Variants in PLCZ1 observed in about 807,000 individuals in gnomAD.
The protein encoded by PLCZ1 is 1-phosphatidylinositol 4,5-bisphosphate phosphodiesterase zeta-1.
Under a neutral mutation model 76.8 loss-of-function variants are expected in PLCZ1, and 64 were observed. The ratio of observed to expected loss-of-function variants is 0.83; its 90% CI spans 0.68 to 1.03. The LOEUF (loss-of-function observed/expected upper bound fraction) is 1.03, where lower values mean the gene tolerates loss of function less well. Ranked by LOEUF, PLCZ1 falls within the 50% of genes least tolerant of loss-of-function variation. PLCZ1 has a pLI of 0.00. For missense variants in PLCZ1, 751 were observed against 713.7 expected, an observed-to-expected ratio of 1.05 and a Z score of -0.60; for synonymous variants, 248 against 230.8, an observed-to-expected ratio of 1.07 and a Z score of -0.68.
At chr12:18,650,704 GTATATATCTATATA>G in the PLCZ1 span, among the ~76,000 whole-genome samples, 103 of 57,766 alleles carry the variant, frequency 1.8e-3, 5 homozygotes, top group African/African-American at 5.1e-3. Flanking sequence ...GTGTGTGTGT[GTATATATCTATATA>G]TATATATATA....
At chr12:18,717,687 A>G (rs1958143046) in intron 5 of PLCZ1, among the ~76,000 whole-genome samples, 1 of 152,154 alleles carries the variant, frequency 6.6e-6, no homozygotes, top group African/African-American at 2.4e-5. Context: ...CATCTCAGCC[A>G]ACAGTATTAC....
chr12:18,684,109 TCTAA>T lies in PLCZ1; in HGVS notation c.1741+17_1741+20del. 1 of 1,609,710 alleles carries T rather than the reference TCTAA, an allele frequency of 6.2e-7. No individual in the cohort carries two copies. Among genetic ancestry groups the T allele is most frequent in the Non-Finnish European group, 8.5e-7 (1 of 1,177,506 alleles). On this transcript the variant is annotated intron_variant, in intron 14 of 14. Transcript: ENST00000266505. ...TTATATTTAAATGCTGGTACAATCA[TCTAA>T]CTTTTAGGGACATTACCTTTGTTCA...
rs750648027 is a variant in PLCZ1, at chr12:18,723,525, T to C, written c.153A>G (p.Lys51=). The change falls in exon 4 of 15, where the codon AAA becomes AAG. Residue 51 remains lysine (K), a synonymous_variant. Coordinates refer to ENST00000266505, the MANE Select transcript of PLCZ1 (RefSeq NM_033123.4). Reference sequence around the variant, plus strand: ...ATTCTTCTATGGTGATTCTTCCTTGTTTCAGCCTGTCATTGTCCTACTAAA... The same window carrying C: ...ATTCTTCTATGGTGATTCTTCCTTGCTTCAGCCTGTCATTGTCCTACTAAA... ...KQIFKDNDRL[K]QGRITIEEFR... is the part of the protein sequence containing the mutation. 5 of 1,612,112 alleles carry C rather than the reference T, an allele frequency of 3.1e-6. No homozygotes were observed. The Admixed American group carries it at 8.4e-5, about 27-fold the overall frequency.
At chr12:18,669,605 T>C in the PLCZ1 span, among the ~76,000 whole-genome samples, 1 of 152,106 alleles carries the variant, frequency 6.6e-6, no homozygotes, top group African/African-American at 2.4e-5. Context: ...TTCCAGACAG[T>C]TGCCTTTGCA....
chr12:18,683,434 G>T, intron 14 of PLCZ1, 110 bp from the exon 15 acceptor site: 2 of 1,444,994 alleles, frequency 1.4e-6, no homozygotes, highest in Non-Finnish European at 1.9e-6. Context: ...TAAAAACCAT[G>T]ACTATAGAGT....
chr12:18,668,122 A>G, the PLCZ1 span, among the ~76,000 whole-genome samples: 2 of 152,176 alleles, frequency 1.3e-5, no homozygotes, highest in East Asian at 3.9e-4. Flanking sequence ...CCCAACTTGT[A>G]TTATCTTAAT....
chr12:18,656,983 T>C, the PLCZ1 span, among the ~76,000 whole-genome samples: 1 of 152,158 alleles, frequency 6.6e-6, no homozygotes, highest in African/African-American at 2.4e-5. Flanking sequence ...ATTTTTTGTA[T>C]AGGGTCCTAA....
rs1958575101 is a variant in PLCZ1, at chr12:18,723,495, T to C, written c.183A>G (p.Arg61=). 3.7e-6 allele frequency: 6 copies of C among 1,612,874 alleles called. No homozygotes were observed. Among genetic ancestry groups the C allele is most frequent in the African/African-American group, 1.3e-5 (1 of 75,012 alleles). Reference sequence around the variant, plus strand: ...TGTGCGTGATAATTCGATAAATTGCTCTAAATTCTTCTATGGTGATTCTTC... The same window carrying C: ...TGTGCGTGATAATTCGATAAATTGCCCTAAATTCTTCTATGGTGATTCTTC... The part of the protein sequence containing the change: ...KQGRITIEEF[R]AIYRIITHRE... The change falls in exon 4 of 15, where the codon AGA becomes AGG. Residue 61 remains arginine (R), a synonymous_variant. Transcript: ENST00000266505.
intron 3 of PLCZ1, among the ~76,000 whole-genome samples, chr12:18,729,739 G>T (rs1032310583): frequency 3.3e-5 from 5 of 151,662 alleles, no homozygotes; most frequent in Non-Finnish European, 1.5e-5. Context: ...TTTAGTAAAG[G>T]GATTTAAAAA....
chr12:18,673,930 G>A, the PLCZ1 span, among the ~76,000 whole-genome samples: 10 of 152,244 alleles, frequency 6.6e-5, no homozygotes, highest in Non-Finnish European at 1.3e-4. Context: ...GAAAACAATT[G>A]TCTACTAGCA....
intron 3 of PLCZ1, among the ~76,000 whole-genome samples, chr12:18,727,771 T>C (rs1210894057): frequency 1.3e-5 from 2 of 152,160 alleles, no homozygotes; most frequent in African/African-American, 2.4e-5. Flanking sequence ...GGCAGCAGTG[T>C]AGAAGGTAGA....
In PLCZ1 at chr12:18,684,011, T is replaced by C. The variant is rs185069716; in HGVS notation, c.1741+119A>G. The C allele has an allele frequency of 1.1e-4, 134 of 1,221,350 alleles. No individual in the cohort carries two copies. In the African/African-American group the frequency reaches 2.0e-3, roughly 18 times the overall value. 75.7% of individuals were successfully genotyped at this position (1,221,350 alleles called of 1,614,324 possible). ...CAGAGAAAAAATATGTGTCAATACA[T>C]AAAATTTCCTTTACATCCTACTTTA... On this transcript the variant is annotated intron_variant, in intron 14 of 14. Coordinates refer to ENST00000266505, the MANE Select transcript of PLCZ1 (RefSeq NM_033123.4).
At chr12:18,698,631 T>G (rs1158576144) in intron 10 of PLCZ1, among the ~76,000 whole-genome samples, 1 of 152,206 alleles carries the variant, frequency 6.6e-6, no homozygotes, top group African/African-American at 2.4e-5. Context: ...GTAGATTGCA[T>G]TTTTTTAACT....
At chr12:18,700,623 C>T (rs1242293859) in intron 9 of PLCZ1, among the ~76,000 whole-genome samples, 1 of 150,952 alleles carries the variant, frequency 6.6e-6, no homozygotes, top group African/African-American at 2.4e-5. Flanking sequence ...CATGCACCAA[C>T]ACAGAGAAAG....
chr12:18,688,071 G>T lies in PLCZ1; in HGVS notation c.1591+18C>A. 1 of 1,608,940 alleles carries T rather than the reference G, an allele frequency of 6.2e-7. No individual in the cohort carries two copies. The highest frequency in any genetic ancestry group is 1.1e-5 in the South Asian group (1 of 90,976). ...AAGAAGTCTAATGGAAATTCAATAA[G>T]GTATATCAGGAGCTCACCATTTTTT... On this transcript the variant is annotated intron_variant, in intron 13 of 14. Coordinates refer to ENST00000266505, the MANE Select transcript of PLCZ1 (RefSeq NM_033123.4).
At chr12:18,684,475 C>A (rs1952795169) in intron 13 of PLCZ1, among the ~76,000 whole-genome samples, 196 bp from the exon 14 acceptor site, 1 of 151,896 alleles carries the variant, frequency 6.6e-6, no homozygotes, top group African/African-American at 2.4e-5. Context: ...TATTGCTGGG[C>A]AATGTTCTAA....
the PLCZ1 span, among the ~76,000 whole-genome samples, chr12:18,656,610 C>G: frequency 6.6e-6 from 1 of 151,966 alleles, no homozygotes; most frequent in African/African-American, 2.4e-5. Flanking sequence ...GTTACATGCA[C>G]CTGGTGTCCC....
At chr12:18,683,580 G>T (rs935007911) in intron 14 of PLCZ1, 40 of 1,463,084 alleles carry the variant, frequency 2.7e-5, no homozygotes, top group Non-Finnish European at 3.6e-5. Flanking sequence ...TCCAAAATTA[G>T]CCACCACCCT....
At chr12:18,677,392 C>T in the PLCZ1 span, among the ~76,000 whole-genome samples, 1 of 152,060 alleles carries the variant, frequency 6.6e-6, no homozygotes, top group Non-Finnish European at 1.5e-5. Flanking sequence ...TCAGTCCTGA[C>T]CACTGATTAG....
Sources: gnomAD v4.1 joint callset for allele counts (sites outside exome capture counted in the v4.1 genomes callset) on GRCh38, gnomAD v4.1.1 for gene constraint, MANE v1.5 for transcripts, NCBI Gene and HGNC (gene_info 2026-07-23, HGNC 2026-07-21) for gene names.